The following GCFC2 variants were observed in gnomAD, a reference collection of about 807,000 sequenced individuals.
GCFC2 encodes GC-rich sequence DNA-binding factor 2.
Under a neutral mutation model 99.4 loss-of-function variants are expected in GCFC2, and 102 were observed. The observed-to-expected ratio is 1.03, with a 90% CI of 0.87 to 1.21. The LOEUF is 1.21. GCFC2 is among the 50% of genes most tolerant of loss of function. The probability of loss-of-function intolerance (pLI) is 0.00; values close to 1 mark genes in which losing one functional copy is unlikely to be tolerated. For missense variants in GCFC2, 973 were observed against 920.9 expected (o/e 1.06, Z -0.73); for synonymous variants, 338 against 316.8 (o/e 1.07, Z -0.71).
chr2:75,690,069 T>C lies in GCFC2; in HGVS notation c.1239A>G (p.Arg413=), dbSNP rs754317319. 5 of 1,601,106 alleles carry C rather than the reference T, an allele frequency of 3.1e-6. No homozygotes were observed. The South Asian group carries it at 5.6e-5, about 18-fold the overall frequency. The change falls in exon 9 of 17, where the codon AGA becomes AGG. Residue 413 remains arginine (R), a synonymous_variant. Transcript: ENST00000321027. ...EEIESRRTKR[R]QARVLSGNCN... ...AATTCCCAGAAAGCACCCTTGCTTGTCTTCTTTTTGTCCTATATTTTGCAA... is the reference window on the plus strand; with the variant it reads ...AATTCCCAGAAAGCACCCTTGCTTGCCTTCTTTTTGTCCTATATTTTGCAA...
intron 11 of GCFC2, among the ~76,000 whole-genome samples, chr2:75,682,680 G>A (rs1225925126): frequency 6.6e-6 from 1 of 151,812 alleles, no homozygotes; most frequent in Non-Finnish European, 1.5e-5. Flanking sequence ...CCCAATGGAA[G>A]GAAGCTAAGA....
chr2:75,709,992 G>A (rs1160966961), intron 1 of GCFC2, among the ~76,000 whole-genome samples: 3 of 152,088 alleles, frequency 2.0e-5, no homozygotes, highest in Non-Finnish European at 4.4e-5. Flanking sequence ...GAACTCAAAG[G>A]TACTTCAAAA....
chr2:75,691,570 G>GA (rs963710256), intron 7 of GCFC2, among the ~76,000 whole-genome samples: 96 of 144,042 alleles, frequency 6.7e-4, no homozygotes, highest in East Asian at 2.4e-3. Flanking sequence ...AAATCAATGC[G>GA]AAAAAAAAAA....
chr2:75,678,275 T>C (rs1442718261), intron 12 of GCFC2, among the ~76,000 whole-genome samples: 1 of 152,246 alleles, frequency 6.6e-6, no homozygotes, highest in Non-Finnish European at 1.5e-5. Flanking sequence ...TCTGCTTCTT[T>C]GTAGCTTTTA....
intron 4 of GCFC2, among the ~76,000 whole-genome samples, chr2:75,699,469 T>A (rs1409710858): frequency 6.6e-6 from 1 of 152,254 alleles, no homozygotes; most frequent in Admixed American, 6.5e-5. Flanking sequence ...GAACTTATAT[T>A]CTAGCAGCAG....
At position 75,702,221 on chromosome 2, in the gene GCFC2, T is replaced by G. The variant is rs768600768; in HGVS notation, c.597A>C (p.Arg199Ser). The change falls in exon 3 of 17, where the codon AGA (arginine) becomes AGC (serine). Residue 199 changes from arginine (R) to serine (S), a missense_variant. Coordinates refer to ENST00000321027, the MANE Select transcript of GCFC2 (RefSeq NM_003203.5). ...IPFTLRPQTL[R>S]QRMAEESISR... ...TACTTGATTCCTCAGCCATCCTTTG[T>G]CTAAGTGTTTGAGGTCTTAGAGTAA... 1.2e-6 allele frequency: 2 copies of G among 1,607,856 alleles called. No individual in the cohort carries two copies. Among genetic ancestry groups the G allele is most frequent in the Non-Finnish European group, 1.7e-6 (2 of 1,174,450 alleles).
upstream of GCFC2, among the ~76,000 whole-genome samples, chr2:75,711,958 G>T (rs989680154): frequency 6.6e-6 from 1 of 152,248 alleles, no homozygotes. Flanking sequence ...TGAGGAGTAC[G>T]AGCGCACGGC....
chr2:75,670,276 G>A lies in GCFC2; in HGVS notation c.1965C>T (p.Arg655=). 6.3e-7 allele frequency: 1 copy of A among 1,598,210 alleles called. No individual in the cohort carries two copies. The highest frequency in any genetic ancestry group is 8.6e-7 in the Non-Finnish European group (1 of 1,166,186). Residue 655 remains arginine, a synonymous_variant, in exon 15 of 17, where the codon CGC becomes CGT. Transcript: ENST00000321027. ...GGAGTCCATTCCAAAGAAGAATATT[G>A]CGGAAGAGCTAAAATAAAATATCAA... ...RQFWSGLKLF[R]NILLWNGLLT... is the part of the protein sequence containing the mutation.
intron 12 of GCFC2, among the ~76,000 whole-genome samples, chr2:75,674,632 T>C (rs1679260759): frequency 6.6e-6 from 1 of 152,062 alleles, no homozygotes; most frequent in African/African-American, 2.4e-5. Flanking sequence ...TTCTTATTCA[T>C]ATTTGAAAAA....
At chr2:75,683,771 CAAAAAAAAAAAAAA>C (rs749580096) in intron 11 of GCFC2, among the ~76,000 whole-genome samples, 1 of 60,420 alleles carries the variant, frequency 1.7e-5, no homozygotes, top group East Asian at 5.7e-4. Context: ...AAATGGAAAG[CAAAAAAAAAAAAAA>C]AAAAAAAGAA....
At position 75,666,028 on chromosome 2, in the gene GCFC2, CATTT is replaced by C; in HGVS notation, c.2125_2128del (p.Lys709GlyfsTer7). 6.2e-7 allele frequency: 1 copy of C among 1,606,686 alleles called. No homozygotes were observed. Among genetic ancestry groups the C allele is most frequent in the Non-Finnish European group, 8.5e-7 (1 of 1,175,888 alleles). On this transcript the variant is annotated frameshift_variant, in exon 16 of 17. Transcript: ENST00000321027. LOFTEE classifies it high-confidence loss of function. ...TGTCCTCATGGCAGAATTTTCAAAC[CATTT>C]TTCTGGTAGACATGCTGCTACCTGT...
chr2:75,669,487 CA>C (rs1678990782), intron 15 of GCFC2, among the ~76,000 whole-genome samples: 1 of 152,184 alleles, frequency 6.6e-6, no homozygotes, highest in South Asian at 2.1e-4. Flanking sequence ...CCCTCACTCT[CA>C]AATATAGTCA....
chr2:75,702,447 A>G, intron 2 of GCFC2, 24 bp from the exon 3 acceptor site: 3 of 1,588,674 alleles, frequency 1.9e-6, no homozygotes, highest in African/African-American at 1.4e-5. Flanking sequence ...AGACGAGGAC[A>G]CTAAAAACCA....
At chr2:75,683,771 CAAAAA>C (rs749580096) in intron 11 of GCFC2, among the ~76,000 whole-genome samples, 4 of 60,402 alleles carry the variant, frequency 6.6e-5, no homozygotes, top group African/African-American at 2.6e-4. Flanking sequence ...AAATGGAAAG[CAAAAA>C]AAAAAAAAAA....
upstream of GCFC2, chr2:75,711,334 G>T: frequency 3.1e-6 from 1 of 321,402 alleles, no homozygotes; most frequent in Non-Finnish European, 4.5e-6. Flanking sequence ...AGATGCCTTT[G>T]AGAACAAAAC....
chr2:75,700,087 G>A (rs1000577582), intron 4 of GCFC2, among the ~76,000 whole-genome samples: 2 of 151,784 alleles, frequency 1.3e-5, no homozygotes, highest in Non-Finnish European at 2.9e-5. Flanking sequence ...TTTTTGTAGC[G>A]GCAGGGTTTG....
intron 11 of GCFC2, among the ~76,000 whole-genome samples, chr2:75,687,556 G>A (rs1679875047): frequency 6.6e-6 from 1 of 152,142 alleles, no homozygotes; most frequent in Non-Finnish European, 1.5e-5. Flanking sequence ...GTGTTTCTAG[G>A]AAGAAAGAAG....
intron 15 of GCFC2, among the ~76,000 whole-genome samples, chr2:75,668,599 A>G (rs2104195896): frequency 6.6e-6 from 1 of 152,208 alleles, no homozygotes; most frequent in South Asian, 2.1e-4. Context: ...CAAAAACATA[A>G]CTTTTGTGAA....
intron 8 of GCFC2, chr2:75,690,390 T>G: frequency 2.0e-6 from 1 of 508,740 alleles, no homozygotes; most frequent in Non-Finnish European, 3.4e-6. Context: ...TAGGACCGGT[T>G]TCTAGTTACA....
Sources: allele counts gnomAD v4.1 joint callset (sites outside exome capture counted in the v4.1 genomes callset), GRCh38; gene constraint gnomAD v4.1.1; transcripts MANE v1.5; gene names NCBI Gene and HGNC (gene_info 2026-07-23, HGNC 2026-07-21).